Variants in CAMTA1 observed in about 807,000 individuals in gnomAD.
CAMTA1 encodes calmodulin-binding transcription activator 1.
CAMTA1 carries 27 observed loss-of-function variants against 170.9 expected under a neutral mutation model. The observed-to-expected ratio is 0.16, with a 90% CI of 0.12 to 0.22. The LOEUF is 0.22. CAMTA1 is among the 10% of genes least tolerant of loss of function. The pLI is 1.00. For synonymous variants in CAMTA1, 833 were observed against 891.5 expected, an observed-to-expected ratio of 0.93 and a Z score of 1.17; for missense variants, 1,619 against 2,217.2, an observed-to-expected ratio of 0.73 and a Z score of 5.42.
At chr1:7,512,911 G>C (rs374801526) in intron 6 of CAMTA1, among the ~76,000 whole-genome samples, 2 of 152,300 alleles carry the variant, frequency 1.3e-5, no homozygotes, top group East Asian at 3.9e-4. Context: ...GTGGAAGTGA[G>C]CAGAGGCTGC....
At chr1:7,091,525 A>T (rs1641464058) in intron 4 of CAMTA1, among the ~76,000 whole-genome samples, 154 bp downstream of exon 4, 1 of 152,224 alleles carries the variant, frequency 6.6e-6, no homozygotes, top group Non-Finnish European at 1.5e-5. Context: ...ATTCATTGAC[A>T]TAAGACTGTG....
At chr1:7,452,042 G>A (rs1200927798) in intron 5 of CAMTA1, among the ~76,000 whole-genome samples, 1 of 152,232 alleles carries the variant, frequency 6.6e-6, no homozygotes, top group African/African-American at 2.4e-5. Context: ...CACTGGGCTA[G>A]GCTACACAGA....
At chr1:6,957,337 C>T (rs1689632119) in intron 3 of CAMTA1, among the ~76,000 whole-genome samples, 1 of 152,138 alleles carries the variant, frequency 6.6e-6, no homozygotes, top group South Asian at 2.1e-4. Flanking sequence ...CACAAACTAC[C>T]ATAGACTTGG....
Position 7,065,415 on chromosome 1 carries a change from A to T in CAMTA1, c.235-25889A>T, listed in dbSNP as rs1297067485. ...CAGCGGGAAGTTTTGTAGTGAATAT[A>T]GAGGAGACGAAAAAGAATGGGGATG... On this transcript the variant is annotated intron_variant, in intron 3 of 22. Transcript: ENST00000303635. This position sits in a 1 kb window ranked among gnomAD's most constrained non-coding sequence, Gnocchi z 5.2. Among the ~76,000 whole-genome samples, 1 of 152,186 alleles carries T rather than the reference A, an allele frequency of 6.6e-6. No individual in the cohort carries two copies. The highest frequency in any genetic ancestry group is 2.4e-5 in the African/African-American group (1 of 41,428).
intron 3 of CAMTA1, among the ~76,000 whole-genome samples, chr1:7,070,559 C>T (rs980739031): frequency 2.6e-5 from 4 of 152,196 alleles, no homozygotes; most frequent in South Asian, 2.1e-4. Context: ...GACCTTCTCT[C>T]TCATCACGGT....
At chr1:6,847,185 A>G (rs1316943214) in intron 3 of CAMTA1, among the ~76,000 whole-genome samples, 2 of 151,592 alleles carry the variant, frequency 1.3e-5, no homozygotes, top group South Asian at 2.1e-4. Context: ...TCTACTTTTT[A>G]GTAGAGATGG....
rs574994567 is a variant in CAMTA1, at chr1:7,122,027, A to T, written c.302+30656A>T. On this transcript the variant is annotated intron_variant, in intron 4 of 22. Transcript: ENST00000303635. ...TCAGGGCATAGGAAAGGCCCTTGGGAATGCCGGCCTGCAGAGCAGGGATGG... is the reference window on the plus strand; with the variant it reads ...TCAGGGCATAGGAAAGGCCCTTGGGTATGCCGGCCTGCAGAGCAGGGATGG... Among the ~76,000 whole-genome samples the T allele has an allele frequency of 1.2e-4, 19 of 152,032 alleles. No individual in the cohort carries two copies. In the South Asian group the frequency reaches 3.7e-3, roughly 30 times the overall value.
intron 3 of CAMTA1, among the ~76,000 whole-genome samples, chr1:6,838,715 A>G (rs909144509): frequency 9.2e-5 from 14 of 152,066 alleles, no homozygotes; most frequent in South Asian, 2.1e-4. Flanking sequence ...AATATGTTAT[A>G]TATCTGTTAG....
At chr1:7,385,618 C>T (rs1392688779) in intron 5 of CAMTA1, among the ~76,000 whole-genome samples, 2 of 152,152 alleles carry the variant, frequency 1.3e-5, no homozygotes, top group African/African-American at 4.8e-5. Flanking sequence ...GCCTGGAGAG[C>T]AGCAAACACC....
chr1:7,519,204 C>T (rs1417505502), intron 6 of CAMTA1, among the ~76,000 whole-genome samples: 12 of 152,208 alleles, frequency 7.9e-5, no homozygotes, highest in Admixed American at 7.2e-4. Flanking sequence ...TGCCGGCTGG[C>T]ACAGAGCTTT....
chr1:7,098,188 G>A (rs1485813368), intron 4 of CAMTA1, among the ~76,000 whole-genome samples: 3 of 152,132 alleles, frequency 2.0e-5, no homozygotes, highest in African/African-American at 7.2e-5. Flanking sequence ...GCCAGAGTTC[G>A]GAAGGGCAGT....
chr1:7,225,363 C>T (rs991579943), intron 4 of CAMTA1, among the ~76,000 whole-genome samples: 3 of 152,196 alleles, frequency 2.0e-5, no homozygotes, highest in African/African-American at 7.2e-5. Context: ...GGATTACAGG[C>T]GTGAGCCACC....
chr1:7,103,529 CACA>C (rs1016885391), intron 4 of CAMTA1, among the ~76,000 whole-genome samples: 29 of 141,208 alleles, frequency 2.1e-4, no homozygotes, highest in African/African-American at 6.8e-4. Context: ...ACACACAACA[CACA>C]ACTACACACA....
intron 6 of CAMTA1, among the ~76,000 whole-genome samples, chr1:7,471,803 G>T (rs573660248): frequency 6.6e-6 from 1 of 152,324 alleles, no homozygotes; most frequent in Non-Finnish European, 1.5e-5. Context: ...GGTTTCGAGG[G>T]GTAGGCAGCA....
intron 3 of CAMTA1, among the ~76,000 whole-genome samples, chr1:7,024,911 T>C (rs1286474006): frequency 4.6e-5 from 7 of 152,188 alleles, no homozygotes; most frequent in Non-Finnish European, 8.8e-5. Flanking sequence ...AAATATCAAA[T>C]AATTCACAGG....
At chr1:7,120,498 A>G (rs11120854) in intron 4 of CAMTA1, among the ~76,000 whole-genome samples, 58,641 of 152,020 alleles carry the variant, frequency 0.39, 12,067 homozygotes, top group African/African-American at 0.51. Flanking sequence ...GGGGAGAGAG[A>G]GCCTGCTAGC....
chr1:7,024,649 C>T (rs960980526), intron 3 of CAMTA1, among the ~76,000 whole-genome samples: 6 of 152,202 alleles, frequency 3.9e-5, no homozygotes, highest in African/African-American at 4.8e-5. Flanking sequence ...TCTGCTCCAT[C>T]GACACCTTTC....
intron 3 of CAMTA1, among the ~76,000 whole-genome samples, chr1:6,882,905 G>A (rs971127328): frequency 6.6e-6 from 1 of 152,044 alleles, no homozygotes; most frequent in East Asian, 1.9e-4. Flanking sequence ...GGGTGTCCTG[G>A]AAGTGCATGT....
intron 3 of CAMTA1, among the ~76,000 whole-genome samples, chr1:6,931,568 A>G (rs1684417447): frequency 6.6e-6 from 1 of 152,084 alleles, no homozygotes; most frequent in Non-Finnish European, 1.5e-5. Flanking sequence ...ATCTCTGGGT[A>G]CCTCCAAGTT....
Sources: allele counts gnomAD v4.1 joint callset (sites outside exome capture counted in the v4.1 genomes callset), GRCh38; gene constraint gnomAD v4.1.1; non-coding constraint Gnocchi (gnomAD v3.1); transcripts MANE v1.5; gene names NCBI Gene and HGNC (gene_info 2026-07-23, HGNC 2026-07-21).